Variants in SHBG observed in about 807,000 individuals in gnomAD.
SHBG encodes the protein sex hormone-binding globulin.
In SHBG, 37 loss-of-function variants were observed where a neutral mutation model predicts 41.9. The observed-to-expected ratio is 0.88, with a 90% confidence interval of 0.68 to 1.16. The LOEUF is 1.16. SHBG is among the 50% of genes most tolerant of loss of function. The pLI is 0.00. For missense variants in SHBG, 466 were observed against 499.9 expected, an observed-to-expected ratio of 0.93 and a Z score of 0.65; for synonymous variants, 217 against 205.8, an observed-to-expected ratio of 1.05 and a Z score of -0.47.
upstream of SHBG, among the ~76,000 whole-genome samples, chr17:7,629,527 A>C (rs2072332531): frequency 3.3e-5 from 5 of 152,166 alleles, no homozygotes; most frequent in Admixed American, 3.3e-4. Context: ...TATTCACTGA[A>C]TCATACACAC....
chr17:7,630,997 A>G lies in SHBG; in HGVS notation c.393+128A>G. The stretch of plus-strand genomic sequence containing the variant: ...TAATCCACACGAACCCCCACAAAGT[A>G]GCTATTCTTGGCCCCATCTTTTCTG... On this transcript the variant is annotated intron_variant, in intron 3 of 7. Transcript: ENST00000380450. This position sits in a 1 kb window ranked among gnomAD's most constrained non-coding sequence, Gnocchi z 4.6. The G allele has an allele frequency of 2.0e-6, 2 of 996,804 alleles. No individual in the cohort carries two copies. Among genetic ancestry groups the G allele is most frequent in the South Asian group, 3.0e-5 (2 of 67,224 alleles). The allele number at this position is 996,804 out of a possible 1,614,324, so 61.7% of individuals were successfully genotyped here. A position where few individuals can be genotyped will look rare whatever the true frequency, so the allele number is the denominator to read the frequency against.
At chr17:7,624,444 C>T (rs1488416798), upstream of SHBG, among the ~76,000 whole-genome samples, 4 of 151,982 alleles carry the variant, frequency 2.6e-5, no homozygotes, top group Non-Finnish European at 5.9e-5. Context: ...TGGGATTTCA[C>T]CATGTTGGCC....
Position 7,631,970 on chromosome 17 carries a change from G to C in SHBG, c.807G>C (p.Gly269=). The stretch of plus-strand genomic sequence containing the variant: ...GCTCAGGCCACCTCCTTGCTCTTGG[G>C]ACACCAGAGAACCCATCTTGGCTCA... ...AAGSGHLLAL[G]TPENPSWLSL... is the part of the protein sequence containing the mutation. The change falls in exon 6 of 8, where the codon GGG becomes GGC. Residue 269 remains glycine (G), a synonymous_variant. Coordinates refer to ENST00000380450, the MANE Select transcript of SHBG (RefSeq NM_001040.5). 6.2e-7 allele frequency: 1 copy of C among 1,613,990 alleles called. No individual in the cohort carries two copies. The highest frequency in any genetic ancestry group is 8.5e-7 in the Non-Finnish European group (1 of 1,180,018).
At chr17:7,616,419 A>G (rs2071988955) in intron 1 of SHBG, among the ~76,000 whole-genome samples, 1 of 142,738 alleles carries the variant, frequency 7.0e-6, no homozygotes, top group Non-Finnish European at 1.5e-5. Context: ...CATCCTGGCT[A>G]ACACGGTGAA....
intron 1 of SHBG, chr17:7,614,764 G>T: frequency 4.3e-6 from 1 of 232,092 alleles, no homozygotes; most frequent in Non-Finnish European, 8.2e-6. Flanking sequence ...TGAGGGAAAC[G>T]GCCGCCGCCG....
At chr17:7,616,907 G>T (rs2072004327) in intron 1 of SHBG, among the ~76,000 whole-genome samples, 1 of 152,140 alleles carries the variant, frequency 6.6e-6, no homozygotes, top group African/African-American at 2.4e-5. Context: ...TTGCACTCCA[G>T]CCTGGGCAAA....
intron 7 of SHBG, 77 bp downstream of exon 7, chr17:7,633,036 A>C: frequency 6.8e-7 from 1 of 1,462,030 alleles, no homozygotes; most frequent in South Asian, 1.1e-5. Context: ...TTTGAGGGGA[A>C]GGAAACCTCT....
chr17:7,627,729 T>A, upstream of SHBG: 1 of 1,446,486 alleles, frequency 6.9e-7, no homozygotes, highest in Non-Finnish European at 9.7e-7. The surrounding 1 kb of genome is among the most constrained non-coding windows in gnomAD (Gnocchi z 4.8). Flanking sequence ...CTGAAGAGCC[T>A]GAGAGAGCGG....
chr17:7,627,239 G>A (rs2072241861), upstream of SHBG: 4 of 1,613,920 alleles, frequency 2.5e-6, no homozygotes, highest in African/African-American at 1.3e-5. The surrounding 1 kb of genome is among the most constrained non-coding windows in gnomAD (Gnocchi z 4.8). Flanking sequence ...GCCGAGATTG[G>A]AGTTGTGACA....
chr17:7,619,320 G>A (rs1372114477), intron 1 of SHBG, among the ~76,000 whole-genome samples: 2 of 151,458 alleles, frequency 1.3e-5, no homozygotes, highest in African/African-American at 4.9e-5. Context: ...AACCTAGCAG[G>A]CAGAGGTTGC....
At chr17:7,617,329 A>G (rs2072011429) in intron 1 of SHBG, among the ~76,000 whole-genome samples, 1 of 151,926 alleles carries the variant, frequency 6.6e-6, no homozygotes, top group Non-Finnish European at 1.5e-5. Flanking sequence ...ATGGCCAGGC[A>G]CAGGGCTCAT....
chr17:7,632,697 G>A, intron 6 of SHBG, 55 bp from the exon 7 acceptor site: 2 of 1,407,562 alleles, frequency 1.4e-6, no homozygotes, highest in East Asian at 4.6e-5. Flanking sequence ...ACAGGCAGTA[G>A]GCCCGGCTCA....
chr17:7,630,432 C>T lies in SHBG; in HGVS notation c.128C>T (p.Pro43Leu), dbSNP rs374054637. Residue 43 changes from proline to leucine, a missense_variant, in exon 2 of 8, where the codon CCG (proline) becomes CTG (leucine). Coordinates refer to ENST00000380450, the MANE Select transcript of SHBG (RefSeq NM_001040.5). The surrounding 1 kb of genome is among the most constrained non-coding windows in gnomAD (Gnocchi z 4.6). ...VLPTQSAHDP[P>L]AVHLSNGPGQ... ...TTCTGATAGAGTGCCCACGACCCTCCGGCTGTCCACCTCAGCAATGGCCCA... is the reference window on the plus strand; with the variant it reads ...TTCTGATAGAGTGCCCACGACCCTCTGGCTGTCCACCTCAGCAATGGCCCA... 17 of 1,613,940 alleles carry T rather than the reference C, an allele frequency of 1.1e-5. No individual in the cohort carries two copies. The highest frequency in any genetic ancestry group is 1.6e-4 in the Middle Eastern group (1 of 6,084).
chr17:7,621,041 A>G (rs1227969680), intron 1 of SHBG, among the ~76,000 whole-genome samples: 1 of 136,200 alleles, frequency 7.3e-6, no homozygotes, highest in African/African-American at 2.7e-5. Context: ...GGTTGCAGTG[A>G]GCCATGATCG....
chr17:7,632,603 T>G (rs150498522), intron 6 of SHBG, 149 bp from the exon 7 acceptor site: 10 of 657,736 alleles, frequency 1.5e-5, no homozygotes, highest in Non-Finnish European at 2.7e-5. Flanking sequence ...CCAAAAAAAA[T>G]TGGGGCAGGA....
At chr17:7,626,970 C>T (rs192820773), upstream of SHBG, 144 of 1,613,924 alleles carry the variant, frequency 8.9e-5, no homozygotes, top group East Asian at 3.0e-3. Flanking sequence ...ACATAGATAT[C>T]CTCCAGATAA....
chr17:7,633,051 G>A (rs2072471530), intron 7 of SHBG, 92 bp downstream of exon 7: 5 of 1,432,440 alleles, frequency 3.5e-6, no homozygotes, highest in Non-Finnish European at 4.9e-6. Context: ...ACCTCTGGGA[G>A]GGAAGAAGAA....
In SHBG at chr17:7,630,158, G is replaced by T. The variant is rs752373544; in HGVS notation, c.-15G>T. The T allele has an allele frequency of 1.2e-6, 2 of 1,604,470 alleles. No individual in the cohort carries two copies. The highest frequency in any genetic ancestry group is 1.3e-5 in the African/African-American group (1 of 74,772). Reference sequence around the variant, plus strand: ...CCAAGAGTTGTCTGAGCCGCCGAGTGGACAGTGGCTGATTATGGAGAGCAG... The same window carrying T: ...CCAAGAGTTGTCTGAGCCGCCGAGTTGACAGTGGCTGATTATGGAGAGCAG... On this transcript the variant is annotated 5_prime_UTR_variant, in exon 1 of 8. Coordinates refer to ENST00000380450, the MANE Select transcript of SHBG (RefSeq NM_001040.5). The surrounding 1 kb of genome is among the most constrained non-coding windows in gnomAD (Gnocchi z 4.6).
At chr17:7,619,210 G>C (rs2072045650) in intron 1 of SHBG, among the ~76,000 whole-genome samples, 1 of 151,942 alleles carries the variant, frequency 6.6e-6, no homozygotes, top group African/African-American at 2.4e-5. Flanking sequence ...GACCAACATG[G>C]AGAAACTCCA....
Sources: allele counts gnomAD v4.1 joint callset (sites outside exome capture counted in the v4.1 genomes callset), GRCh38; gene constraint gnomAD v4.1.1; non-coding constraint Gnocchi (gnomAD v3.1); transcripts MANE v1.5; gene names NCBI Gene and HGNC (gene_info 2026-07-23, HGNC 2026-07-21).